Variants in STOX1 observed in about 807,000 individuals in gnomAD.
The protein encoded by STOX1 is storkhead-box protein 1.
STOX1 carries 57 observed loss-of-function variants against 74.8 expected under a neutral mutation model. The observed-to-expected ratio is 0.76, with a 90% CI of 0.62 to 0.95. STOX1 has a LOEUF of 0.95. Ranked by LOEUF, STOX1 falls within the 40% of genes least tolerant of loss-of-function variation. The pLI is 0.00. For synonymous variants in STOX1, 375 were observed against 401.3 expected (o/e 0.93, Z 0.78); for missense variants, 1,010 against 1,117.0 (o/e 0.90, Z 1.37).
intron 1 of STOX1, among the ~76,000 whole-genome samples, chr10:68,871,040 A>G (rs1840524054): frequency 6.6e-6 from 1 of 152,232 alleles, no homozygotes; most frequent in South Asian, 2.1e-4. Context: ...ACGACTGAAT[A>G]AAGTCATGAA....
intron 1 of STOX1, among the ~76,000 whole-genome samples, chr10:68,848,061 C>T (rs1211028733): frequency 6.6e-6 from 1 of 152,200 alleles, no homozygotes; most frequent in African/African-American, 2.4e-5. Flanking sequence ...TTCTCTTCTC[C>T]TGCCTCCATC....
intron 1 of STOX1, among the ~76,000 whole-genome samples, chr10:68,851,907 G>A (rs1324980846): frequency 6.6e-6 from 1 of 152,142 alleles, no homozygotes; most frequent in Non-Finnish European, 1.5e-5. Context: ...GCCGAGGCGG[G>A]CAGATCACCT....
intron 1 of STOX1, among the ~76,000 whole-genome samples, chr10:68,878,606 C>T (rs1253817140): frequency 6.6e-6 from 1 of 152,210 alleles, no homozygotes; most frequent in East Asian, 1.9e-4. Flanking sequence ...ATGTGACCTT[C>T]CAAGGCCAGA....
intron 2 of STOX1, among the ~76,000 whole-genome samples, chr10:68,882,609 C>G (rs1840836697): frequency 6.6e-6 from 1 of 151,646 alleles, no homozygotes; most frequent in Admixed American, 6.6e-5. Context: ...AGCGATTCTT[C>G]TGCCTCAGCC....
chr10:68,843,080 C>T (rs1839736602), intron 1 of STOX1, among the ~76,000 whole-genome samples: 1 of 152,092 alleles, frequency 6.6e-6, no homozygotes, highest in African/African-American at 2.4e-5. Context: ...ACTCTGTCAC[C>T]CATGCTGGAG....
At position 68,881,949 on chromosome 10, in the gene STOX1, C is replaced by G. The variant is rs1431954625; in HGVS notation, c.311-9C>G. The G allele has an allele frequency of 3.7e-6, 6 of 1,611,402 alleles. No homozygotes were observed. The East Asian group carries it at 1.3e-4, about 36-fold the overall frequency. On this transcript the variant is annotated splice_polypyrimidine_tract_variant and intron_variant, in intron 1 of 3. Transcript: ENST00000298596. ...CCCCCTCCCCCTTTTTTTTAAATCTCCAATTTAGGTGATGTCTTTCCAGTG... is the reference window on the plus strand; with the variant it reads ...CCCCCTCCCCCTTTTTTTTAAATCTGCAATTTAGGTGATGTCTTTCCAGTG...
chr10:68,860,275 GAAA>G (rs746327467), intron 1 of STOX1, among the ~76,000 whole-genome samples: 44 of 150,452 alleles, frequency 2.9e-4, no homozygotes, highest in Admixed American at 5.3e-4. Context: ...CTCGGTGGGG[GAAA>G]GAGTCTCATT....
In STOX1 at chr10:68,828,189, C is replaced by T. The variant is rs991205450; in HGVS notation, c.310+256C>T. 15 of 877,422 alleles carry T rather than the reference C, an allele frequency of 1.7e-5. No homozygotes were observed. The African/African-American group carries it at 3.0e-4, about 17-fold the overall frequency. 54.4% of individuals were successfully genotyped at this position (877,422 alleles called of 1,614,324 possible). A position where few individuals can be genotyped will look rare whatever the true frequency, so the allele number is the denominator to read the frequency against. ...GGGGTGCTGCTGGTGCGCGCGCCCCCCGCCTGCCTGCAGGTGCTGCGCGAT... is the reference window on the plus strand; with the variant it reads ...GGGGTGCTGCTGGTGCGCGCGCCCCTCGCCTGCCTGCAGGTGCTGCGCGAT... On this transcript the variant is annotated intron_variant, in intron 1 of 3. Transcript: ENST00000298596.
At chr10:68,852,798 A>T (rs1048912507) in intron 1 of STOX1, among the ~76,000 whole-genome samples, 2 of 150,532 alleles carry the variant, frequency 1.3e-5, no homozygotes, top group Non-Finnish European at 3.0e-5. Context: ...ATCAGAATTC[A>T]TATGTGAGAT....
At chr10:68,880,094 C>T (rs1840774454) in intron 1 of STOX1, among the ~76,000 whole-genome samples, 1 of 151,912 alleles carries the variant, frequency 6.6e-6, no homozygotes, top group African/African-American at 2.4e-5. Context: ...TTTTTCTCAC[C>T]AACTTCCTTT....
intron 1 of STOX1, among the ~76,000 whole-genome samples, chr10:68,831,835 T>C (rs1839419397): frequency 1.3e-5 from 2 of 152,156 alleles, no homozygotes. Context: ...AGTATTTCTC[T>C]AAAAAGAGAG....
At chr10:68,882,893 T>A (rs1840845268) in intron 2 of STOX1, among the ~76,000 whole-genome samples, 1 of 152,102 alleles carries the variant, frequency 6.6e-6, no homozygotes, top group Non-Finnish European at 1.5e-5. Flanking sequence ...TATTGATATG[T>A]CTCATTCTTT....
At chr10:68,829,930 T>C (rs1012197679) in intron 1 of STOX1, among the ~76,000 whole-genome samples, 2 of 152,168 alleles carry the variant, frequency 1.3e-5, no homozygotes, top group Non-Finnish European at 2.9e-5. Context: ...TCAGTTTTTC[T>C]GGTTTGAATT....
At chr10:68,840,826 G>T (rs1839674680) in intron 1 of STOX1, among the ~76,000 whole-genome samples, 1 of 152,186 alleles carries the variant, frequency 6.6e-6, no homozygotes, top group Non-Finnish European at 1.5e-5. Flanking sequence ...CTCCCAAAGT[G>T]CTGGGATTAT....
At chr10:68,840,485 C>T (rs1050732856) in intron 1 of STOX1, among the ~76,000 whole-genome samples, 2 of 152,038 alleles carry the variant, frequency 1.3e-5, no homozygotes, top group Admixed American at 1.3e-4. Flanking sequence ...GGCTCAAGTG[C>T]TGGGATTACA....
At chr10:68,864,329 A>G (rs564662859) in intron 1 of STOX1, among the ~76,000 whole-genome samples, 2 of 152,366 alleles carry the variant, frequency 1.3e-5, no homozygotes, top group Admixed American at 6.5e-5. Context: ...AGACATTCTC[A>G]GCACCTTTAA....
intron 3 of STOX1, among the ~76,000 whole-genome samples, chr10:68,889,908 T>A (rs1017805932): frequency 6.6e-6 from 1 of 151,916 alleles, no homozygotes; most frequent in African/African-American, 2.4e-5. Context: ...TGGCTGGGAC[T>A]ACATGCGTGA....
At chr10:68,845,194 C>G (rs1564572062) in intron 1 of STOX1, among the ~76,000 whole-genome samples, 1 of 152,128 alleles carries the variant, frequency 6.6e-6, no homozygotes, top group Non-Finnish European at 1.5e-5. Context: ...CCTCAACCTC[C>G]CAAGGCTCAG....
At chr10:68,847,440 C>G (rs112445071) in intron 1 of STOX1, among the ~76,000 whole-genome samples, 53 of 119,702 alleles carry the variant, frequency 4.4e-4, no homozygotes, top group Middle Eastern at 4.8e-3. Context: ...TTCTCGAGAT[C>G]ACTGTGTTGC....
Sources: allele counts gnomAD v4.1 joint callset (sites outside exome capture counted in the v4.1 genomes callset), GRCh38; gene constraint gnomAD v4.1.1; transcripts MANE v1.5; gene names NCBI Gene and HGNC (gene_info 2026-07-23, HGNC 2026-07-21).